The following RBMS3 variants were observed in gnomAD, a reference collection of about 807,000 sequenced individuals.
The protein encoded by RBMS3 is RNA binding motif single stranded interacting protein 3.
Under a neutral mutation model 66.8 loss-of-function variants are expected in RBMS3, and 27 were observed. That is an observed-to-expected ratio of 0.40 (90% CI 0.30 to 0.56). RBMS3 has a LOEUF of 0.56. Among genes scored for constraint, RBMS3 ranks in the 20% least tolerant of loss-of-function variants. The pLI is 0.40. For synonymous variants in RBMS3, 188 were observed against 183.0 expected (o/e 1.03, Z -0.22); for missense variants, 513 against 549.5 (o/e 0.93, Z 0.66).
rs572792767 is a variant in RBMS3 at position 29,944,076 on chromosome 3, T to C, written c.1051-131T>C. ...TGCAAATGAGGAATCCTAATGCCTT[T>C]ACTGCTCTAAGGCAGGGTGGGTCAG... On this transcript the variant is annotated intron_variant, in intron 11 of 14. Coordinates refer to ENST00000383767, the MANE Select transcript of RBMS3 (RefSeq NM_001003793.3). 31 of 684,058 alleles carry C rather than the reference T, an allele frequency of 4.5e-5. No individual in the cohort carries two copies. The South Asian group carries it at 5.2e-4, about 12-fold the overall frequency. The allele number at this position is 684,058 out of a possible 1,614,324, so 42.4% of individuals were successfully genotyped here.
At chr3:29,414,949 G>A (rs139798554) in intron 1 of RBMS3, among the ~76,000 whole-genome samples, 104 of 152,150 alleles carry the variant, frequency 6.8e-4, no homozygotes, top group African/African-American at 2.3e-3. Context: ...GAGATTCACC[G>A]GCACATTGAT....
intron 4 of RBMS3, among the ~76,000 whole-genome samples, chr3:29,658,307 C>A (rs1191003158): frequency 6.6e-6 from 1 of 152,142 alleles, no homozygotes; most frequent in East Asian, 1.9e-4. Context: ...AACAATGCTT[C>A]TCAAAATTTT....
intron 1 of RBMS3, among the ~76,000 whole-genome samples, chr3:29,374,337 G>T (rs911951714): frequency 2.0e-5 from 3 of 152,174 alleles, no homozygotes; most frequent in Non-Finnish European, 4.4e-5. Context: ...ATGAGTTTTT[G>T]ATTTCCCAGG....
chr3:29,814,403 T>C (rs2057817278), intron 6 of RBMS3, among the ~76,000 whole-genome samples: 1 of 152,218 alleles, frequency 6.6e-6, no homozygotes, highest in South Asian at 2.1e-4. Context: ...TTGAGGATTT[T>C]TGCATCGATG....
rs539760426 is a variant in RBMS3 at position 29,916,627 on chromosome 3, G to C, written c.939+16872G>C. Among the ~76,000 whole-genome samples, 66 of 152,002 alleles carry C rather than the reference G, an allele frequency of 4.3e-4. 1 individual carries two copies. The highest frequency in any genetic ancestry group is 3.0e-3 in the Admixed American group (45 of 15,250). On this transcript the variant is annotated intron_variant, in intron 10 of 14. Transcript: ENST00000383767. ...GGCTCTTAATTATCACATCAGTCTA[G>C]CCAATATTGTGATGGAATACTGAAA... is the stretch of plus-strand genomic sequence containing the variant.
intron 6 of RBMS3, among the ~76,000 whole-genome samples, chr3:29,779,724 T>TATATATATATAA (rs1559662703): frequency 2.1e-5 from 3 of 145,688 alleles, no homozygotes; most frequent in Admixed American, 6.9e-5. Context: ...TATATATATA[T>TATATATATATAA]AAACAACCCC....
At position 29,728,491 on chromosome 3, in the gene RBMS3, C is replaced by T. The variant is rs368687165; in HGVS notation, c.400-11229C>T. Among the ~76,000 whole-genome samples the T allele has an allele frequency of 9.9e-5, 15 of 152,278 alleles. No individual in the cohort carries two copies. In the East Asian group the frequency reaches 2.3e-3, roughly 24 times the overall value. On this transcript the variant is annotated intron_variant, in intron 4 of 14. Transcript: ENST00000383767. The stretch of plus-strand genomic sequence containing the variant: ...TTTGAACACCCTCAACTCACTGTTG[C>T]ACCTCTTCTTTGCTGTTTCTCTACC...
intron 5 of RBMS3, among the ~76,000 whole-genome samples, chr3:29,749,466 C>A (rs1178051957): frequency 6.6e-6 from 1 of 152,142 alleles, no homozygotes. Context: ...GCCATATAGG[C>A]TCCTTTAAGT....
chr3:29,312,921 T>C (rs990305640), intron 1 of RBMS3, among the ~76,000 whole-genome samples: 1 of 151,674 alleles, frequency 6.6e-6, no homozygotes, highest in Non-Finnish European at 1.5e-5. Context: ...CTTTTCACCT[T>C]GAACTTCACT....
At chr3:29,850,793 T>C (rs1221636084) in intron 6 of RBMS3, among the ~76,000 whole-genome samples, 3 of 152,174 alleles carry the variant, frequency 2.0e-5, no homozygotes, top group African/African-American at 7.2e-5. Context: ...ATCCCTTGAG[T>C]TGCACCTTTC....
At chr3:29,572,844 T>G (rs1265151537) in intron 3 of RBMS3, among the ~76,000 whole-genome samples, 1 of 152,250 alleles carries the variant, frequency 6.6e-6, no homozygotes, top group Non-Finnish European at 1.5e-5. Context: ...GGATTGGTAT[T>G]AATTCTTCTT....
chr3:29,500,062 TTTTC>T (rs138819312), intron 3 of RBMS3, among the ~76,000 whole-genome samples: 2,383 of 141,746 alleles, frequency 0.017, 37 homozygotes, highest in African/African-American at 0.042. Context: ...ATGAGAAGGA[TTTTC>T]TTTTTTTTTT....
rs529349153 is a variant in RBMS3, at chr3:29,710,295, TCTC to T, written c.400-29421_400-29419del. On this transcript the variant is annotated intron_variant, in intron 4 of 14. Coordinates refer to ENST00000383767, the MANE Select transcript of RBMS3 (RefSeq NM_001003793.3). ...GAATGCTAAATTTAAATATTCTCCT[TCTC>T]CTCTATGTCAATAGTAAATAATAAT... 5.5e-4 allele frequency among the ~76,000 whole-genome samples: 83 copies of T among 152,258 alleles called. 1 individual carries two copies. In the South Asian group the frequency reaches 0.017, roughly 31 times the overall value.
At chr3:29,460,642 C>T (rs1227822251) in intron 2 of RBMS3, among the ~76,000 whole-genome samples, 1 of 152,120 alleles carries the variant, frequency 6.6e-6, no homozygotes, top group Non-Finnish European at 1.5e-5. Flanking sequence ...AAGGTGTCAA[C>T]CTACATAACA....
intron 4 of RBMS3, among the ~76,000 whole-genome samples, chr3:29,671,334 C>T (rs2149246140): frequency 6.6e-6 from 1 of 152,336 alleles, no homozygotes; most frequent in East Asian, 1.9e-4. Context: ...GAAACCAGAG[C>T]AGAAAATCTG....
intron 6 of RBMS3, among the ~76,000 whole-genome samples, chr3:29,772,256 C>T (rs950638218): frequency 6.6e-6 from 1 of 151,986 alleles, no homozygotes; most frequent in Admixed American, 6.6e-5. Context: ...GACTTCTGAC[C>T]TATACAACTG....
At chr3:29,753,524 A>G (rs529324383) in intron 5 of RBMS3, among the ~76,000 whole-genome samples, 1 of 152,330 alleles carries the variant, frequency 6.6e-6, no homozygotes, top group East Asian at 1.9e-4. Context: ...GTAGCCCCGT[A>G]CATTTATAAT....
At chr3:29,395,411 G>T (rs929489704) in intron 1 of RBMS3, among the ~76,000 whole-genome samples, 2 of 152,060 alleles carry the variant, frequency 1.3e-5, no homozygotes, top group African/African-American at 2.4e-5. Context: ...AATACTTAGG[G>T]TCAAATCCCC....
intron 2 of RBMS3, among the ~76,000 whole-genome samples, chr3:29,465,763 A>G (rs913444016): frequency 3.9e-5 from 6 of 152,214 alleles, no homozygotes; most frequent in African/African-American, 1.4e-4. Flanking sequence ...TTGACTTTCT[A>G]AAGCTATGTT....
Sources: gnomAD v4.1 joint callset for allele counts (sites outside exome capture counted in the v4.1 genomes callset) on GRCh38, gnomAD v4.1.1 for gene constraint, MANE v1.5 for transcripts, NCBI Gene and HGNC (gene_info 2026-07-23, HGNC 2026-07-21) for gene names.